The following ARHGAP15 variants were observed in gnomAD, a reference collection of about 807,000 sequenced individuals.
ARHGAP15 encodes rho GTPase-activating protein 15.
In ARHGAP15, 51 loss-of-function variants were observed where a neutral mutation model predicts 63.7. That is an observed-to-expected ratio of 0.80 (90% CI 0.64 to 1.01). The LOEUF is 1.01. Ranked by LOEUF, ARHGAP15 falls within the 50% of genes least tolerant of loss-of-function variation. ARHGAP15 has a pLI of 0.00. For missense variants in ARHGAP15, 560 were observed against 564.6 expected, an observed-to-expected ratio of 0.99 and a Z score of 0.08; for synonymous variants, 191 against 193.8, an observed-to-expected ratio of 0.99 and a Z score of 0.12.
intron 6 of ARHGAP15, among the ~76,000 whole-genome samples, chr2:143,367,846 AC>A (rs1364218519): frequency 1.3e-5 from 2 of 152,048 alleles, no homozygotes; most frequent in African/African-American, 4.8e-5. Flanking sequence ...TTTTCCGGCC[AC>A]CTTCTTTACA....
chr2:143,755,238 C>A (rs990118706), intron 13 of ARHGAP15, among the ~76,000 whole-genome samples: 4 of 149,406 alleles, frequency 2.7e-5, no homozygotes, highest in African/African-American at 1.0e-4. Flanking sequence ...TCTTTAATAT[C>A]TTTAATAGGT....
At chr2:143,272,526 G>T (rs548785429) in intron 6 of ARHGAP15, among the ~76,000 whole-genome samples, 1 of 152,042 alleles carries the variant, frequency 6.6e-6, no homozygotes, top group Non-Finnish European at 1.5e-5. Context: ...AGTGGTGGGC[G>T]CCTGTAATCC....
At chr2:143,318,141 G>T (rs1683810757) in intron 6 of ARHGAP15, among the ~76,000 whole-genome samples, 1 of 151,864 alleles carries the variant, frequency 6.6e-6, no homozygotes, top group South Asian at 2.1e-4. Flanking sequence ...TGGGACTACA[G>T]GCACGTGGCA....
intron 10 of ARHGAP15, among the ~76,000 whole-genome samples, chr2:143,550,583 GC>G (rs1203248722): frequency 2.6e-5 from 4 of 152,192 alleles, no homozygotes; most frequent in Non-Finnish European, 2.9e-5. Context: ...AATCTCTGTA[GC>G]CAGTCATATG....
chr2:143,608,558 TACTA>T (rs987484244), intron 11 of ARHGAP15: 18 of 152,338 alleles, frequency 1.2e-4, no homozygotes, highest in South Asian at 6.2e-4. Context: ...ACACGGAAAT[TACTA>T]ACTAATTGAA....
chr2:143,141,558 G>C (rs990819611), intron 1 of ARHGAP15, among the ~76,000 whole-genome samples: 6 of 152,124 alleles, frequency 3.9e-5, no homozygotes, highest in African/African-American at 1.4e-4. Context: ...AGAGAAAAGA[G>C]AGGGAGGAAA....
chr2:143,211,849 G>A (rs1256055596), intron 3 of ARHGAP15, among the ~76,000 whole-genome samples: 1 of 152,114 alleles, frequency 6.6e-6, no homozygotes, highest in Non-Finnish European at 1.5e-5. Context: ...AAGAACCTAG[G>A]AAGCTGAACT....
At chr2:143,576,828 G>A (rs959465745) in intron 11 of ARHGAP15, among the ~76,000 whole-genome samples, 2 of 152,008 alleles carry the variant, frequency 1.3e-5, no homozygotes, top group African/African-American at 2.4e-5. Context: ...AACTATTTTG[G>A]TTGACTCTAG....
chr2:143,482,080 C>T (rs1288571498), intron 8 of ARHGAP15, among the ~76,000 whole-genome samples: 1 of 152,056 alleles, frequency 6.6e-6, no homozygotes, highest in East Asian at 1.9e-4. Context: ...TAAGTAAATT[C>T]TAGAATACCT....
At chr2:143,177,510 C>T (rs563281744) in intron 2 of ARHGAP15, among the ~76,000 whole-genome samples, 5 of 152,268 alleles carry the variant, frequency 3.3e-5, no homozygotes, top group Non-Finnish European at 7.4e-5. Flanking sequence ...TGCTGCCTAC[C>T]TTTCACTTTC....
intron 6 of ARHGAP15, among the ~76,000 whole-genome samples, chr2:143,302,319 T>C (rs944601931): frequency 1.3e-5 from 2 of 151,978 alleles, no homozygotes; most frequent in African/African-American, 4.8e-5. Context: ...AAGAGGACTT[T>C]TAATTCAACT....
chr2:143,173,071 A>G (rs1396619299), intron 2 of ARHGAP15, among the ~76,000 whole-genome samples: 1 of 152,072 alleles, frequency 6.6e-6, no homozygotes. Context: ...GACTCAAATA[A>G]AAAATATATA....
intron 6 of ARHGAP15, among the ~76,000 whole-genome samples, chr2:143,382,632 C>G (rs1416001328): frequency 6.6e-6 from 1 of 152,140 alleles, no homozygotes; most frequent in Non-Finnish European, 1.5e-5. Flanking sequence ...TTTAACATAT[C>G]TTTTCTTGAG....
intron 13 of ARHGAP15, among the ~76,000 whole-genome samples, chr2:143,729,711 A>G (rs1428223337): frequency 6.6e-6 from 1 of 152,204 alleles, no homozygotes; most frequent in African/African-American, 2.4e-5. Flanking sequence ...TCTCTCTACA[A>G]AGTTACAAGC....
intron 11 of ARHGAP15, among the ~76,000 whole-genome samples, chr2:143,602,973 C>G (rs190396999): frequency 4.8e-4 from 73 of 152,266 alleles, no homozygotes; most frequent in African/African-American, 1.7e-3. Context: ...CTAATCTTGC[C>G]TATTTCAGCA....
intron 8 of ARHGAP15, among the ~76,000 whole-genome samples, chr2:143,451,231 C>A (rs1690394174): frequency 6.6e-6 from 1 of 151,792 alleles, no homozygotes; most frequent in South Asian, 2.1e-4. Flanking sequence ...CTTCAAATCT[C>A]CTTGGACTTG....
At chr2:143,524,996 G>T (rs943979834) in intron 10 of ARHGAP15, among the ~76,000 whole-genome samples, 1 of 152,050 alleles carries the variant, frequency 6.6e-6, no homozygotes, top group African/African-American at 2.4e-5. Context: ...AGATCCTACC[G>T]AGTGCTTACT....
At position 143,356,361 on chromosome 2, in the gene ARHGAP15, G is replaced by C. The variant is rs749235905; in HGVS notation, c.475-79240G>C. 4.6e-5 allele frequency among the ~76,000 whole-genome samples: 7 copies of C among 152,118 alleles called. No individual in the cohort carries two copies. The South Asian group carries it at 1.0e-3, about 23-fold the overall frequency. On this transcript the variant is annotated intron_variant, in intron 6 of 13. Coordinates refer to ENST00000295095, the MANE Select transcript of ARHGAP15 (RefSeq NM_018460.4). ...GATCTTTGTAAGATGAATTAATATA[G>C]GTACTGCTCCAGGAAACAAAAGAAA...
At chr2:143,158,897 G>A (rs753242559) in intron 2 of ARHGAP15, among the ~76,000 whole-genome samples, 1 of 151,952 alleles carries the variant, frequency 6.6e-6, no homozygotes, top group Non-Finnish European at 1.5e-5. Context: ...AAGGTTTAAT[G>A]TGGCTTTGAT....
Sources: allele counts gnomAD v4.1 joint callset (sites outside exome capture counted in the v4.1 genomes callset), GRCh38; gene constraint gnomAD v4.1.1; transcripts MANE v1.5; gene names NCBI Gene and HGNC (gene_info 2026-07-23, HGNC 2026-07-21).